TENM2: variants seen among roughly 807,000 people sequenced by gnomAD.
The protein encoded by TENM2 is teneurin-2.
Under a neutral mutation model 245.2 loss-of-function variants are expected in TENM2, and 52 were observed. That is an observed-to-expected ratio of 0.21 (90% confidence interval 0.17 to 0.27). The LOEUF is 0.27. Ranked by LOEUF, TENM2 falls within the 10% of genes least tolerant of loss-of-function variation. TENM2 has a pLI of 1.00. For missense variants in TENM2, 3,046 were observed against 3,666.8 expected (o/e 0.83, Z 4.37); for synonymous variants, 1,363 against 1,438.9 (o/e 0.95, Z 1.19).
Position 168,087,976 on chromosome 5 carries a change from C to A in TENM2, c.1516-2598C>A, listed in dbSNP as rs368200586. Among the ~76,000 whole-genome samples, 49 of 152,170 alleles carry A rather than the reference C, an allele frequency of 3.2e-4. 1 individual carries two copies. The South Asian group carries it at 8.7e-3, about 27-fold the overall frequency. On this transcript the variant is annotated intron_variant, in intron 7 of 28. Coordinates refer to ENST00000518659, the Ensembl canonical transcript of TENM2. ...TGCAGGGGGACTCTGAGGAGCCAGCCAAAATAGATGTCTTCTCTTTCCCCT... is the reference window on the plus strand; with the variant it reads ...TGCAGGGGGACTCTGAGGAGCCAGCAAAAATAGATGTCTTCTCTTTCCCCT...
At chr5:167,460,215 C>G (rs1766210802) in intron 2 of TENM2, among the ~76,000 whole-genome samples, 2 of 152,120 alleles carry the variant, frequency 1.3e-5, no homozygotes, top group Non-Finnish European at 2.9e-5. Flanking sequence ...AGCAGCCCAT[C>G]CAATCTCTAA....
At chr5:167,505,326 TC>T (rs1489401761) in intron 2 of TENM2, among the ~76,000 whole-genome samples, 1 of 152,194 alleles carries the variant, frequency 6.6e-6, no homozygotes, top group Non-Finnish European at 1.5e-5. Flanking sequence ...TTTATAATAT[TC>T]ATGGTTATTA....
intron 26 of TENM2, among the ~76,000 whole-genome samples, chr5:168,246,148 G>T (rs1378647069): frequency 9.3e-5 from 14 of 150,878 alleles, no homozygotes; most frequent in African/African-American, 2.9e-4. Flanking sequence ...CAGGAGAATC[G>T]CTTGAACCCA....
chr5:167,441,216 CCCAGCTAA>C (rs1764864971), intron 2 of TENM2, among the ~76,000 whole-genome samples: 2 of 152,034 alleles, frequency 1.3e-5, no homozygotes, highest in African/African-American at 4.8e-5. Flanking sequence ...TTTTTTCAAG[CCCAGCTAA>C]AGGCACCTTT....
intron 1 of TENM2, among the ~76,000 whole-genome samples, chr5:167,345,001 G>A (rs549046224): frequency 1.8e-4 from 27 of 152,176 alleles, no homozygotes; most frequent in Non-Finnish European, 3.5e-4. Context: ...CTCCTTAGAA[G>A]GCAGAGAGAG....
chr5:168,250,496 TG>T (rs976111949), intron 27 of TENM2, among the ~76,000 whole-genome samples: 35 of 152,226 alleles, frequency 2.3e-4, no homozygotes, highest in African/African-American at 8.4e-4. Context: ...TGAGGCCACT[TG>T]TCCATCCCCA....
intron 2 of TENM2, among the ~76,000 whole-genome samples, chr5:167,535,601 A>C (rs1432482135): frequency 6.6e-6 from 1 of 152,178 alleles, no homozygotes; most frequent in African/African-American, 2.4e-5. Context: ...GTGCTTTATA[A>C]AAGGGCTGGG....
chr5:167,601,042 A>G (rs549420550), intron 2 of TENM2, among the ~76,000 whole-genome samples: 2 of 152,348 alleles, frequency 1.3e-5, no homozygotes, highest in South Asian at 4.1e-4. Flanking sequence ...CTCTGAGGTT[A>G]CAGCAAGAGC....
the TENM2 span, among the ~76,000 whole-genome samples, chr5:167,095,392 G>A: frequency 6.6e-6 from 1 of 152,126 alleles, no homozygotes. Flanking sequence ...AAATAAAGAA[G>A]GGGGATTGGG....
intron 2 of TENM2, among the ~76,000 whole-genome samples, chr5:167,751,723 GT>G (rs1022643553): frequency 6.6e-6 from 1 of 151,630 alleles, no homozygotes; most frequent in Non-Finnish European, 1.5e-5. Context: ...CTTTCCCACT[GT>G]TTTGGTTTTT....
chr5:168,159,390 A>G (rs1206291565), intron 12 of TENM2, among the ~76,000 whole-genome samples: 1 of 152,146 alleles, frequency 6.6e-6, no homozygotes, highest in Non-Finnish European at 1.5e-5. Context: ...AAGACTTCCT[A>G]TAGGAGACTT....
Position 168,218,671 on chromosome 5 carries a change from T to C in TENM2, c.4780T>C (p.Tyr1594His), listed in dbSNP as rs1562295096. 3.7e-6 allele frequency: 6 copies of C among 1,614,030 alleles called. No individual in the cohort carries two copies. Among genetic ancestry groups the C allele is most frequent in the East Asian group, 2.2e-5 (1 of 44,880 alleles). Reference sequence around the variant, plus strand: ...TGCATCCCCCGGAGAGCAGGAGTTATATGTTTTCAACGCTGATGGCATCCA... The same window carrying C: ...TGCATCCCCCGGAGAGCAGGAGTTACATGTTTTCAACGCTGATGGCATCCA... The change falls in exon 23 of 29, where the codon TAT (tyrosine) becomes CAT (histidine). Residue 1594 changes from tyrosine to histidine, a missense_variant. This residue lies in a region of TENM2 where 2,704 missense variants were observed against 3,331.9 expected (regional missense o/e 0.81). Coordinates refer to ENST00000518659, the Ensembl canonical transcript of TENM2. The surrounding 1 kb of genome is among the most constrained non-coding windows in gnomAD (Gnocchi z 5.2).
At chr5:167,406,239 G>A (rs142340799) in intron 2 of TENM2, among the ~76,000 whole-genome samples, 195 of 152,202 alleles carry the variant, frequency 1.3e-3, no homozygotes, top group African/African-American at 4.5e-3. Context: ...TTCTCATCCG[G>A]GATGTTTAAT....
At chr5:167,894,966 GA>G (rs1220952474) in intron 3 of TENM2, among the ~76,000 whole-genome samples, 4 of 125,032 alleles carry the variant, frequency 3.2e-5, no homozygotes, top group Admixed American at 8.8e-5. Flanking sequence ...AGGAAGGAAG[GA>G]AGGAAGGAAG....
chr5:167,969,758 T>G (rs1399833302), intron 4 of TENM2, among the ~76,000 whole-genome samples: 1 of 152,200 alleles, frequency 6.6e-6, no homozygotes, highest in African/African-American at 2.4e-5. Context: ...TAACAGAAAG[T>G]AAAGCACTTC....
intron 2 of TENM2, among the ~76,000 whole-genome samples, chr5:167,530,295 A>C (rs1582302422): frequency 1.3e-5 from 2 of 152,346 alleles, no homozygotes; most frequent in Admixed American, 1.3e-4. Context: ...GTTTTAAAAA[A>C]TGAAGAATAA....
intron 2 of TENM2, among the ~76,000 whole-genome samples, chr5:167,521,495 C>A (rs560757369): frequency 1.3e-5 from 2 of 152,290 alleles, no homozygotes; most frequent in African/African-American, 4.8e-5. Flanking sequence ...AAACATTCAT[C>A]ATATACAGGT....
chr5:168,235,272 T>G (rs531003034), intron 25 of TENM2, among the ~76,000 whole-genome samples: 1 of 152,346 alleles, frequency 6.6e-6, no homozygotes, highest in Admixed American at 6.5e-5. Context: ...AGATTTCACC[T>G]TACATGGTGA....
intron 4 of TENM2, among the ~76,000 whole-genome samples, chr5:167,991,385 CAT>C (rs1783654597): frequency 6.6e-6 from 1 of 152,200 alleles, no homozygotes; most frequent in African/African-American, 2.4e-5. Context: ...CAAAATAAGA[CAT>C]AGTCCATGGC....
Sources: gnomAD v4.1 joint callset for allele counts (sites outside exome capture counted in the v4.1 genomes callset) on GRCh38, gnomAD v4.1.1 for gene constraint, gnomAD v4.1.1 regional missense constraint, Gnocchi (gnomAD v3.1) non-coding constraint, MANE v1.5 for transcripts, NCBI Gene and HGNC (gene_info 2026-07-23, HGNC 2026-07-21) for gene names.